Variants in ARMH4 observed in about 807,000 individuals in gnomAD.
ARMH4 encodes armadillo-like helical domain-containing protein 4.
A neutral mutation model predicts 61.9 loss-of-function variants in ARMH4; 49 were observed. The ratio of observed to expected loss-of-function variants is 0.79; its 90% CI spans 0.63 to 1.00. The LOEUF (loss-of-function observed/expected upper bound fraction) is 1.00, where lower values mean the gene tolerates loss of function less well. ARMH4 is among the 50% of genes least tolerant of loss of function. The probability of loss-of-function intolerance (pLI) is 0.00; values close to 1 mark genes in which losing one functional copy is unlikely to be tolerated. For missense variants in ARMH4, 934 were observed against 930.0 expected, an observed-to-expected ratio of 1.00 and a Z score of -0.06; for synonymous variants, 368 against 341.5, an observed-to-expected ratio of 1.08 and a Z score of -0.85.
chr14:58,136,461 TACAAG>T (rs1413423449), intron 2 of ARMH4, among the ~76,000 whole-genome samples: 1 of 152,154 alleles, frequency 6.6e-6, no homozygotes, highest in Admixed American at 6.5e-5. Context: ...AAAACCAACT[TACAAG>T]ACATTTTATG....
chr14:58,006,286 A>G (rs1882168082), intron 6 of ARMH4, among the ~76,000 whole-genome samples: 1 of 152,166 alleles, frequency 6.6e-6, no homozygotes, highest in South Asian at 2.1e-4. Flanking sequence ...ATACATAAAC[A>G]ATTTAAATTG....
At chr14:58,039,708 GT>G (rs1222145307) in intron 5 of ARMH4, among the ~76,000 whole-genome samples, 2 of 152,156 alleles carry the variant, frequency 1.3e-5, no homozygotes, top group Non-Finnish European at 2.9e-5. Flanking sequence ...GATACACAAA[GT>G]TAACCTACTA....
At chr14:58,070,539 C>T (rs945665768) in intron 5 of ARMH4, among the ~76,000 whole-genome samples, 2 of 152,164 alleles carry the variant, frequency 1.3e-5, no homozygotes, top group Admixed American at 1.3e-4. Flanking sequence ...CAAGACCAAA[C>T]ACTTCAATTT....
intron 4 of ARMH4, among the ~76,000 whole-genome samples, chr14:58,127,584 T>TG (rs1246369865): frequency 3.9e-5 from 6 of 152,170 alleles, no homozygotes; most frequent in Non-Finnish European, 8.8e-5. Context: ...GACAATATCA[T>TG]GGGATTATAC....
chr14:58,038,401 G>T (rs1594711252), intron 5 of ARMH4, among the ~76,000 whole-genome samples: 2 of 108,276 alleles, frequency 1.8e-5, no homozygotes, highest in East Asian at 6.2e-4. Context: ...GGGGACTGTG[G>T]TGGGGTCGGG....
At chr14:58,061,160 C>T (rs1685118009) in intron 5 of ARMH4, among the ~76,000 whole-genome samples, 1 of 152,158 alleles carries the variant, frequency 6.6e-6, no homozygotes, top group African/African-American at 2.4e-5. Flanking sequence ...CGAATCCATC[C>T]CTCTCAGCCC....
rs774365121 is a variant in ARMH4 at position 58,138,536 on chromosome 14, C to T, written c.823G>A (p.Glu275Lys). ...TQAAATKQPL[E>K]TSEYTLSVEP... ...ACACTCAGGGTGTACTCGGAAGTTT[C>T]GAGTGGTTGCTTGGTGGCAGCAGCC... Residue 275 changes from glutamate (E) to lysine (K), a missense_variant, in exon 2 of 8, where the codon GAA becomes AAA. Transcript: ENST00000267485. 4.5e-5 allele frequency: 73 copies of T among 1,614,068 alleles called. No homozygotes were observed. The highest frequency in any genetic ancestry group is 5.8e-5 in the Non-Finnish European group (68 of 1,180,040).
chr14:58,066,641 G>A (rs1406767498), intron 5 of ARMH4, among the ~76,000 whole-genome samples: 2 of 152,178 alleles, frequency 1.3e-5, no homozygotes, highest in Admixed American at 1.3e-4. Flanking sequence ...AACCATGAAG[G>A]CTTTGAAGAG....
chr14:58,069,912 A>G lies in ARMH4; in HGVS notation c.2089+26812T>C, dbSNP rs528587105. Among the ~76,000 whole-genome samples the G allele has an allele frequency of 4.2e-4, 64 of 152,338 alleles. 1 individual carries two copies. In the South Asian group the frequency reaches 0.013, roughly 31 times the overall value. ...ATAATAAGATTTGTGTTTTAGAAAGATATCTCTGAACACAGTGTGGAGAAG... is the reference window on the plus strand; with the variant it reads ...ATAATAAGATTTGTGTTTTAGAAAGGTATCTCTGAACACAGTGTGGAGAAG... On this transcript the variant is annotated intron_variant, in intron 5 of 7. Coordinates refer to ENST00000267485, the MANE Select transcript of ARMH4 (RefSeq NM_001001872.4).
At chr14:58,107,077 T>C (rs1197652229) in intron 4 of ARMH4, among the ~76,000 whole-genome samples, 1 of 152,222 alleles carries the variant, frequency 6.6e-6, no homozygotes, top group Non-Finnish European at 1.5e-5. Flanking sequence ...ACATGTGTCA[T>C]TTAATAGGCA....
At chr14:58,112,216 A>ATTTATTG (rs1363700868) in intron 4 of ARMH4, among the ~76,000 whole-genome samples, 5 of 150,060 alleles carry the variant, frequency 3.3e-5, no homozygotes, top group African/African-American at 1.2e-4. Flanking sequence ...GCCCACTTGT[A>ATTTATTG]TTTATTGTCA....
At chr14:58,112,904 A>T (rs1231932436) in intron 4 of ARMH4, among the ~76,000 whole-genome samples, 1 of 151,926 alleles carries the variant, frequency 6.6e-6, no homozygotes, top group South Asian at 2.1e-4. Context: ...TTAAATCTGG[A>T]TCTTCAGATT....
intron 4 of ARMH4, among the ~76,000 whole-genome samples, chr14:58,107,763 CAAAAAA>C (rs34507217): frequency 2.1e-5 from 2 of 97,364 alleles, no homozygotes; most frequent in African/African-American, 8.1e-5. Context: ...GACTCCATCT[CAAAAAA>C]AAAAAAAAAA....
chr14:58,023,403 A>C (rs942551967), intron 5 of ARMH4, among the ~76,000 whole-genome samples: 2 of 152,208 alleles, frequency 1.3e-5, no homozygotes, highest in Non-Finnish European at 2.9e-5. Context: ...CATAAGAAGC[A>C]ACTTTTCATC....
intron 1 of ARMH4, among the ~76,000 whole-genome samples, chr14:58,147,113 A>G (rs1241799269): frequency 2.0e-5 from 3 of 152,042 alleles, no homozygotes; most frequent in Non-Finnish European, 1.5e-5. Flanking sequence ...AAACACAACC[A>G]TCTTCATCTG....
At chr14:58,009,452 A>C (rs1216801160) in intron 6 of ARMH4, among the ~76,000 whole-genome samples, 2 of 152,162 alleles carry the variant, frequency 1.3e-5, no homozygotes, top group East Asian at 1.9e-4. Context: ...CACATAGAAG[A>C]AGCTTGGGCC....
chr14:58,015,427 A>G (rs2141138372), intron 5 of ARMH4, among the ~76,000 whole-genome samples: 1 of 152,280 alleles, frequency 6.6e-6, no homozygotes, highest in Admixed American at 6.5e-5. Flanking sequence ...GAGCTTGATG[A>G]CATTTCCCCA....
intron 5 of ARMH4, among the ~76,000 whole-genome samples, chr14:58,039,761 C>T (rs8023079): frequency 0.29 from 43,642 of 152,142 alleles, 6,394 homozygotes; most frequent in Non-Finnish European, 0.31. Context: ...TCTGACTCAA[C>T]ACTATGGCTT....
chr14:58,068,664 G>C (rs1465925739), intron 5 of ARMH4, among the ~76,000 whole-genome samples: 5 of 152,084 alleles, frequency 3.3e-5, no homozygotes, highest in Non-Finnish European at 7.4e-5. Context: ...TCCAACTCTT[G>C]GAACTGAATT....
Sources: gnomAD v4.1 joint callset for allele counts (sites outside exome capture counted in the v4.1 genomes callset) on GRCh38, gnomAD v4.1.1 for gene constraint, MANE v1.5 for transcripts, NCBI Gene and HGNC (gene_info 2026-07-23, HGNC 2026-07-21) for gene names.